Variants in MAPKBP1 observed in about 807,000 individuals in gnomAD.
MAPKBP1 encodes mitogen-activated protein kinase binding protein 1.
MAPKBP1 carries 71 observed loss-of-function variants against 170.5 expected under a neutral mutation model. That is an observed-to-expected ratio of 0.42 (90% CI 0.34 to 0.51). The LOEUF is 0.51. Among genes scored for constraint, MAPKBP1 ranks in the 20% least tolerant of loss-of-function variants. The pLI, the probability that MAPKBP1 is intolerant of heterozygous loss-of-function variation, is 0.06. For missense variants in MAPKBP1, 1,598 were observed against 1,933.0 expected, an observed-to-expected ratio of 0.83 and a Z score of 3.25; for synonymous variants, 719 against 757.9, an observed-to-expected ratio of 0.95 and a Z score of 0.84.
At position 41,818,253 on chromosome 15, in the gene MAPKBP1, C is replaced by T; in HGVS notation, c.2040C>T (p.Ser680=). ...IATSCSDKNL[S]IFDFSSGECV... is the part of the protein sequence containing the mutation. The stretch of plus-strand genomic sequence containing the variant: ...CCAGCTGTTCTGACAAGAATCTCTC[C>T]ATTTTTGACTTCTCCTCAGGCGAGT... Residue 680 remains serine, a synonymous_variant, in exon 18 of 31, where the codon TCC becomes TCT. Transcript: ENST00000457542. The surrounding 1 kb of genome is among the most constrained non-coding windows in gnomAD (Gnocchi z 5.2). The T allele has an allele frequency of 6.2e-7, 1 of 1,614,184 alleles. No individual in the cohort carries two copies. Among genetic ancestry groups the T allele is most frequent in the South Asian group, 1.1e-5 (1 of 91,086 alleles).
In MAPKBP1 at chr15:41,823,512, C is replaced by G; in HGVS notation, c.3664C>G (p.Gln1222Glu). 6.2e-7 allele frequency: 1 copy of G among 1,614,142 alleles called. No homozygotes were observed. Reference sequence around the variant, plus strand: ...ACTGCTGTCTCGGGAGATCGAAGCTCAGGATGGTCTGGGCTCCCTGCCCCC... The same window carrying G: ...ACTGCTGTCTCGGGAGATCGAAGCTGAGGATGGTCTGGGCTCCCTGCCCCC... ...GALLSREIEA[Q>E]DGLGSLPPAD... is the part of the protein sequence containing the mutation. The change falls in exon 29 of 31, where the codon CAG becomes GAG. Residue 1222 changes from glutamine (Q) to glutamate (E), a missense_variant. By Grantham distance (29) the Gln-to-Glu change is conservative (BLOSUM62 2). Transcript: ENST00000457542.
intron 7 of MAPKBP1, 92 bp downstream of exon 7, chr15:41,812,745 C>T: frequency 6.7e-7 from 1 of 1,496,378 alleles, no homozygotes; most frequent in South Asian, 1.3e-5. Context: ...GGGCCTCTCT[C>T]TGCATTCCCA....
At position 41,817,076 on chromosome 15, in the gene MAPKBP1, C is replaced by T. The variant is rs772651836; in HGVS notation, c.1711+41C>T. The T allele has an allele frequency of 1.3e-6, 2 of 1,542,138 alleles. No individual in the cohort carries two copies. The highest frequency in any genetic ancestry group is 1.9e-5 in the Admixed American group (1 of 51,894). On this transcript the variant is annotated intron_variant, in intron 14 of 30. Transcript: ENST00000457542. The surrounding 1 kb of genome is among the most constrained non-coding windows in gnomAD (Gnocchi z 4.2). ...ATGAGACACATCCTGCCACTCTCACCCCTGCTGCCATCTGCCTCCCACCTC... is the reference window on the plus strand; with the variant it reads ...ATGAGACACATCCTGCCACTCTCACTCCTGCTGCCATCTGCCTCCCACCTC...
At position 41,821,079 on chromosome 15, in the gene MAPKBP1, T is replaced by A. The variant is rs779834480; in HGVS notation, c.2718+11T>A. 3 of 1,612,652 alleles carry A rather than the reference T, an allele frequency of 1.9e-6. No individual in the cohort carries two copies. The highest frequency in any genetic ancestry group is 2.7e-5 in the African/African-American group (2 of 74,866). Reference sequence around the variant, plus strand: ...TCACTCACTAGCCAGGTGAGCCTGCTTTCTCCCAGCTCTCTAGAGAGTTCC... The same window carrying A: ...TCACTCACTAGCCAGGTGAGCCTGCATTCTCCCAGCTCTCTAGAGAGTTCC... On this transcript the variant is annotated intron_variant, in intron 23 of 30. Transcript: ENST00000457542.
chr15:41,796,290 G>A (rs1199359543), intron 2 of MAPKBP1, among the ~76,000 whole-genome samples: 1 of 152,182 alleles, frequency 6.6e-6, no homozygotes, highest in Non-Finnish European at 1.5e-5. Flanking sequence ...TGCAGGGGAT[G>A]TTCAAATTTG....
At chr15:41,786,033 T>C (rs1443827946) in intron 2 of MAPKBP1, among the ~76,000 whole-genome samples, 3 of 152,208 alleles carry the variant, frequency 2.0e-5, no homozygotes, top group Admixed American at 6.5e-5. Flanking sequence ...TGAAATTCCT[T>C]GTACCTGCCA....
At chr15:41,822,722 G>GCCTCCCAGGGCTGCTGCCCTCT in intron 27 of MAPKBP1, 45 bp downstream of exon 27, 1 of 1,599,150 alleles carries the variant, frequency 6.3e-7, no homozygotes, top group East Asian at 2.2e-5. Flanking sequence ...GGCTCTCCTC[G>GCCTCCCAGGGCTGCTGCCCTCT]CCTCCCAGGG....
At chr15:41,814,232 G>A (rs1168237845) in intron 9 of MAPKBP1, among the ~76,000 whole-genome samples, 4 of 152,244 alleles carry the variant, frequency 2.6e-5, no homozygotes, top group African/African-American at 7.2e-5. Context: ...ATGGTTCGTT[G>A]TGGTTTGTAT....
chr15:41,806,787 A>G (rs573792458), intron 3 of MAPKBP1, among the ~76,000 whole-genome samples: 3 of 152,236 alleles, frequency 2.0e-5, no homozygotes, highest in African/African-American at 7.2e-5. Flanking sequence ...GGATGTGGAG[A>G]GAAAGATTGA....
Position 41,825,448 on chromosome 15 carries a change from C to G in MAPKBP1, c.*12C>G. The G allele has an allele frequency of 1.9e-6, 3 of 1,587,522 alleles. No homozygotes were observed. The highest frequency in any genetic ancestry group is 2.6e-6 in the Non-Finnish European group (3 of 1,161,590). On this transcript the variant is annotated 3_prime_UTR_variant, in exon 31 of 31. Transcript: ENST00000457542. ...AACGCAAACTCTGAGTTCTGGAAGCCTGTCCCAAGTGAATGAATGCTCCAG... is the reference window on the plus strand; with the variant it reads ...AACGCAAACTCTGAGTTCTGGAAGCGTGTCCCAAGTGAATGAATGCTCCAG...
In MAPKBP1 at chr15:41,810,878, C is replaced by T. The variant is rs745450007; in HGVS notation, c.207-5C>T. The T allele has an allele frequency of 1.9e-6, 3 of 1,614,162 alleles. No individual in the cohort carries two copies. The highest frequency in any genetic ancestry group is 1.1e-5 in the South Asian group (1 of 91,082). ...GCTGAGCCTGTTGTCTGCTCATCTC[C>T]TCAGGTGTGTGGTTGTGTTGTTCAA... On this transcript the variant is annotated splice_polypyrimidine_tract_variant and splice_region_variant and intron_variant, in intron 3 of 30. Coordinates refer to ENST00000457542, the MANE Select transcript of MAPKBP1 (RefSeq NM_014994.3).
At chr15:41,791,246 A>G (rs899380646) in intron 2 of MAPKBP1, among the ~76,000 whole-genome samples, 1 of 143,404 alleles carries the variant, frequency 7.0e-6, no homozygotes, top group African/African-American at 2.5e-5. Flanking sequence ...AAAACATAGC[A>G]ACAAAAACAG....
intron 3 of MAPKBP1, among the ~76,000 whole-genome samples, chr15:41,804,404 T>C (rs989647690): frequency 4.6e-5 from 7 of 152,248 alleles, no homozygotes; most frequent in African/African-American, 1.7e-4. Context: ...AAGACCTCTC[T>C]ACTGGATAAG....
chr15:41,779,964 C>G (rs576671330), intron 2 of MAPKBP1, among the ~76,000 whole-genome samples: 1 of 152,294 alleles, frequency 6.6e-6, no homozygotes, highest in African/African-American at 2.4e-5. Context: ...TCCCTCCTTC[C>G]GGTGCCTGCA....
chr15:41,801,131 A>G (rs2064585794), intron 3 of MAPKBP1, among the ~76,000 whole-genome samples: 1 of 152,220 alleles, frequency 6.6e-6, no homozygotes, highest in Non-Finnish European at 1.5e-5. Flanking sequence ...GATGTAGCAC[A>G]TTTTATCTAT....
chr15:41,807,401 T>G (rs2152076497), intron 3 of MAPKBP1, among the ~76,000 whole-genome samples: 1 of 152,352 alleles, frequency 6.6e-6, no homozygotes, highest in African/African-American at 2.4e-5. Flanking sequence ...GGATGAGAAT[T>G]AAGGGAAAAC....
chr15:41,809,401 A>C (rs554530324), intron 3 of MAPKBP1, among the ~76,000 whole-genome samples: 3 of 152,178 alleles, frequency 2.0e-5, no homozygotes, highest in Non-Finnish European at 4.4e-5. Flanking sequence ...AGTGTCCCCA[A>C]ATTTGCATAT....
At chr15:41,783,771 A>T (rs2152068347) in intron 2 of MAPKBP1, among the ~76,000 whole-genome samples, 1 of 152,314 alleles carries the variant, frequency 6.6e-6, no homozygotes, top group Non-Finnish European at 1.5e-5. Context: ...GCACTTTGGG[A>T]GGCCGAGGCG....
chr15:41,777,393 G>A (rs1340878630), intron 2 of MAPKBP1, among the ~76,000 whole-genome samples: 1 of 151,798 alleles, frequency 6.6e-6, no homozygotes, highest in Non-Finnish European at 1.5e-5. Flanking sequence ...CTTGAACTGT[G>A]AGTCCTAAGG....
Sources: gnomAD v4.1 joint callset for allele counts (sites outside exome capture counted in the v4.1 genomes callset) on GRCh38, gnomAD v4.1.1 for gene constraint, Gnocchi (gnomAD v3.1) non-coding constraint, MANE v1.5 for transcripts, NCBI Gene and HGNC (gene_info 2026-07-23, HGNC 2026-07-21) for gene names.